TAS2R1: variants seen among roughly 807,000 people sequenced by gnomAD.
The protein encoded by TAS2R1 is taste 2 receptor member 1, also known as taste receptor type 2 member 1.
For synonymous variants in TAS2R1, 141 were observed against 134.2 expected, an observed-to-expected ratio of 1.05 and a Z score of -0.35; for missense variants, 370 against 353.4, an observed-to-expected ratio of 1.05 and a Z score of -0.38.
the TAS2R1 span, among the ~76,000 whole-genome samples, chr5:9,736,325 C>T: frequency 2.6e-5 from 4 of 152,202 alleles, no homozygotes; most frequent in African/African-American, 4.8e-5. Flanking sequence ...GGACAGCGTC[C>T]CAGCCTTATT....
chr5:9,671,106 A>C (rs577028651), intron 1 of TAS2R1, among the ~76,000 whole-genome samples: 2 of 152,316 alleles, frequency 1.3e-5, no homozygotes, highest in African/African-American at 4.8e-5. Flanking sequence ...TCATGTTAAA[A>C]TCTCTCAACA....
the TAS2R1 span, among the ~76,000 whole-genome samples, chr5:9,817,285 T>A: frequency 6.6e-6 from 1 of 152,218 alleles, no homozygotes; most frequent in African/African-American, 2.4e-5. Context: ...TGAGATTAGA[T>A]TTTATTTTCT....
chr5:9,777,881 T>TTTG, the TAS2R1 span, among the ~76,000 whole-genome samples: 1 of 151,314 alleles, frequency 6.6e-6, no homozygotes, highest in Admixed American at 6.6e-5. Context: ...CCAGGTGTTT[T>TTTG]TTTTTTTTTT....
At chr5:9,756,556 C>T in the TAS2R1 span, among the ~76,000 whole-genome samples, 39 of 152,194 alleles carry the variant, frequency 2.6e-4, no homozygotes, top group Non-Finnish European at 5.3e-4. Flanking sequence ...GGGGCTCTTG[C>T]AATACTGTTG....
At chr5:9,729,575 C>CT in the TAS2R1 span, among the ~76,000 whole-genome samples, 35,958 of 151,478 alleles carry the variant, frequency 0.24, 5,092 homozygotes, top group African/African-American at 0.41. Flanking sequence ...CCAAAAGACC[C>CT]TTTTTTTTAA....
chr5:9,897,347 T>C, the TAS2R1 span, among the ~76,000 whole-genome samples: 224 of 151,670 alleles, frequency 1.5e-3, no homozygotes, highest in Non-Finnish European at 2.6e-3. Flanking sequence ...TACTCGGGAG[T>C]CTGAGGCAGG....
the TAS2R1 span, among the ~76,000 whole-genome samples, chr5:9,858,068 G>A: frequency 7.2e-5 from 11 of 152,098 alleles, no homozygotes; most frequent in Non-Finnish European, 1.6e-4. Context: ...GGGCTGCTGG[G>A]GCTACCCTGG....
intron 2 of TAS2R1, among the ~76,000 whole-genome samples, chr5:9,638,607 G>A (rs189152266): frequency 1.3e-5 from 2 of 152,296 alleles, no homozygotes; most frequent in East Asian, 3.9e-4. Context: ...GTAGTAGCAG[G>A]GGGCTGTAAG....
At chr5:9,870,639 C>A in the TAS2R1 span, among the ~76,000 whole-genome samples, 1 of 152,074 alleles carries the variant, frequency 6.6e-6, no homozygotes, top group Non-Finnish European at 1.5e-5. Flanking sequence ...TAATGGCAAA[C>A]ATAGAAATAA....
the TAS2R1 span, among the ~76,000 whole-genome samples, chr5:9,735,626 C>T: frequency 1.3e-5 from 2 of 152,170 alleles, no homozygotes; most frequent in Admixed American, 1.3e-4. Flanking sequence ...GGCCACCTTA[C>T]TCCACAGGCC....
chr5:9,726,919 T>C, the TAS2R1 span, among the ~76,000 whole-genome samples: 1 of 152,260 alleles, frequency 6.6e-6, no homozygotes, highest in African/African-American at 2.4e-5. Context: ...CACACTGGTT[T>C]ACCTACGGAT....
At chr5:9,775,396 C>T in the TAS2R1 span, among the ~76,000 whole-genome samples, 1 of 152,044 alleles carries the variant, frequency 6.6e-6, no homozygotes, top group Non-Finnish European at 1.5e-5. Context: ...AACTGGGGAC[C>T]CTGAGATCCT....
chr5:9,767,357 A>G, the TAS2R1 span, among the ~76,000 whole-genome samples: 1 of 152,056 alleles, frequency 6.6e-6, no homozygotes, highest in Non-Finnish European at 1.5e-5. Flanking sequence ...AGCTGTCCAG[A>G]TCTCTTGTTC....
chr5:9,793,066 T>C, the TAS2R1 span, among the ~76,000 whole-genome samples: 13 of 152,174 alleles, frequency 8.5e-5, no homozygotes, highest in Admixed American at 4.6e-4. Flanking sequence ...CACCTATACA[T>C]AGAGCATGAA....
chr5:9,705,742 C>T (rs1005542928), intron 1 of TAS2R1, among the ~76,000 whole-genome samples: 1 of 152,148 alleles, frequency 6.6e-6, no homozygotes, highest in African/African-American at 2.4e-5. Context: ...TGTCGGTAAT[C>T]CCAGCTACTC....
At chr5:9,848,181 C>A in the TAS2R1 span, among the ~76,000 whole-genome samples, 1 of 152,212 alleles carries the variant, frequency 6.6e-6, no homozygotes, top group Non-Finnish European at 1.5e-5. Context: ...GCAATAAATT[C>A]CGCAGGTTTA....
At chr5:9,710,156 G>A (rs1741701191) in intron 1 of TAS2R1, among the ~76,000 whole-genome samples, 1 of 152,252 alleles carries the variant, frequency 6.6e-6, no homozygotes, top group Non-Finnish European at 1.5e-5. Flanking sequence ...TTTACAAAGA[G>A]CATGCCTTCC....
the TAS2R1 span, among the ~76,000 whole-genome samples, chr5:9,872,386 A>G: frequency 6.6e-6 from 1 of 152,212 alleles, no homozygotes; most frequent in Non-Finnish European, 1.5e-5. Flanking sequence ...CACAGCTTCT[A>G]ATTTTTATAA....
chr5:9,780,454 AC>A, the TAS2R1 span, among the ~76,000 whole-genome samples: 1 of 152,128 alleles, frequency 6.6e-6, no homozygotes, highest in South Asian at 2.1e-4. Flanking sequence ...GGGACCCCCT[AC>A]CCACTAATGG....
Sources: gnomAD v4.1 joint callset for allele counts (sites outside exome capture counted in the v4.1 genomes callset) on GRCh38, gnomAD v4.1.1 for gene constraint, MANE v1.5 for transcripts, NCBI Gene and HGNC (gene_info 2026-07-23, HGNC 2026-07-21) for gene names.